Variants in AKAP6 observed in about 807,000 individuals in gnomAD.
AKAP6 encodes the protein A-kinase anchor protein 6.
In AKAP6, 58 loss-of-function variants were observed where a neutral mutation model predicts 188.5. The ratio of observed to expected loss-of-function variants is 0.31; its 90% CI spans 0.25 to 0.38. The LOEUF is 0.38. AKAP6 is among the 10% of genes least tolerant of loss of function. The probability of loss-of-function intolerance (pLI) is 1.00; values close to 1 mark genes in which losing one functional copy is unlikely to be tolerated. For missense variants in AKAP6, 2,710 were observed against 2,740.0 expected, an observed-to-expected ratio of 0.99 and a Z score of 0.24; for synonymous variants, 989 against 998.6, an observed-to-expected ratio of 0.99 and a Z score of 0.18.
At chr14:32,732,666 C>A in intron 10 of AKAP6, 66 bp downstream of exon 10, 3 of 1,547,876 alleles carry the variant, frequency 1.9e-6, no homozygotes, top group Admixed American at 3.4e-5. Context: ...AGTACTCTGT[C>A]CGATTTCTAA....
At chr14:32,575,382 T>C (rs1884669189) in intron 4 of AKAP6, among the ~76,000 whole-genome samples, 1 of 152,154 alleles carries the variant, frequency 6.6e-6, no homozygotes. Flanking sequence ...GTATGAAATT[T>C]CTGAAACCTT....
chr14:32,547,959 C>G (rs1319495756), intron 4 of AKAP6, among the ~76,000 whole-genome samples: 1 of 152,090 alleles, frequency 6.6e-6, no homozygotes, highest in East Asian at 1.9e-4. Context: ...GCCGTTTCCT[C>G]AGGAGGCCAT....
In AKAP6 at chr14:32,364,599, C is replaced by T. The variant is rs140244032; in HGVS notation, c.-35+35191C>T. Among the ~76,000 whole-genome samples the T allele has an allele frequency of 4.9e-3, 739 of 152,224 alleles. 5 individuals are homozygous for T. Among genetic ancestry groups the T allele is most frequent in the Middle Eastern group, 0.014 (4 of 294 alleles). On this transcript the variant is annotated intron_variant, in intron 1 of 13. Transcript: ENST00000280979. ...TTTTTCAACCTTTTATTTATTTAGA[C>T]CATATCCTCCCTCTCCACTCCAATA...
In AKAP6 at chr14:32,824,478, C is replaced by T; in HGVS notation, c.6665C>T (p.Ala2222Val). The T allele has an allele frequency of 6.2e-7, 1 of 1,613,954 alleles. No homozygotes were observed. ...ALSSPSSQER[A>V]EVGKEVNGLP... ...TCAAGTCCTTCCTCTCAGGAAAGAG[C>T]TGAGGTTGGAAAGGAAGTGAATGGT... is the stretch of plus-strand genomic sequence containing the variant. Residue 2222 changes from alanine (A) to valine (V), a missense_variant, in exon 13 of 14, where the codon GCT (alanine) becomes GTT (valine). Physicochemically the swap from Ala to Val is moderately conservative, Grantham distance 64. Transcript: ENST00000280979.
intron 9 of AKAP6, among the ~76,000 whole-genome samples, chr14:32,723,815 C>G (rs1053795796): frequency 6.6e-6 from 1 of 152,072 alleles, no homozygotes; most frequent in Non-Finnish European, 1.5e-5. Flanking sequence ...AAATAGTTCT[C>G]TTTTTTATGA....
chr14:32,775,783 G>A (rs1324936042), intron 12 of AKAP6, among the ~76,000 whole-genome samples: 1 of 152,094 alleles, frequency 6.6e-6, no homozygotes, highest in Non-Finnish European at 1.5e-5. Flanking sequence ...AACCCTGGCT[G>A]CTTCTTAAAG....
chr14:32,424,261 G>A (rs990209165), intron 1 of AKAP6, among the ~76,000 whole-genome samples: 8 of 151,870 alleles, frequency 5.3e-5, no homozygotes, highest in Non-Finnish European at 8.8e-5. Flanking sequence ...CCATAACATG[G>A]CATTCTCATC....
chr14:32,400,730 GT>G (rs1341582228), intron 1 of AKAP6, among the ~76,000 whole-genome samples: 1 of 152,070 alleles, frequency 6.6e-6, no homozygotes, highest in Admixed American at 6.6e-5. Flanking sequence ...CAAACCAATG[GT>G]TCACAAACTT....
Position 32,568,278 on chromosome 14 carries a change from T to C in AKAP6, c.2347-8842T>C, listed in dbSNP as rs1375331513. On this transcript the variant is annotated intron_variant, in intron 4 of 13. Transcript: ENST00000280979. This position sits in a 1 kb window ranked among gnomAD's most constrained non-coding sequence, Gnocchi z 6.2. ...GCACAGTAGTCCAGAGCTTAGACCC[T>C]GGAACAAAACTATTTAATAACCACT... Among the ~76,000 whole-genome samples, 1 of 152,148 alleles carries C rather than the reference T, an allele frequency of 6.6e-6. No homozygotes were observed. The highest frequency in any genetic ancestry group is 1.5e-5 in the Non-Finnish European group (1 of 68,030).
At chr14:32,549,894 C>T (rs1377267576) in intron 4 of AKAP6, among the ~76,000 whole-genome samples, 3 of 152,198 alleles carry the variant, frequency 2.0e-5, no homozygotes, top group East Asian at 3.8e-4. Flanking sequence ...AAAGATGGTC[C>T]TGGCAGACAT....
chr14:32,597,839 CT>C (rs1372472200), intron 5 of AKAP6, among the ~76,000 whole-genome samples: 31 of 152,154 alleles, frequency 2.0e-4, no homozygotes, highest in Admixed American at 2.0e-3. Flanking sequence ...AAGGCTTGAT[CT>C]GCATATCTCT....
chr14:32,760,720 G>T (rs931895446), intron 11 of AKAP6, among the ~76,000 whole-genome samples: 1 of 152,018 alleles, frequency 6.6e-6, no homozygotes, highest in Non-Finnish European at 1.5e-5. Context: ...TCAAGAAAAT[G>T]GTCTTGAAAA....
intron 5 of AKAP6, among the ~76,000 whole-genome samples, chr14:32,577,516 T>C (rs894183361): frequency 5.3e-5 from 8 of 152,100 alleles, no homozygotes; most frequent in Non-Finnish European, 1.2e-4. Context: ...TAGACCCTTG[T>C]TCTCTAAAGC....
intron 1 of AKAP6, among the ~76,000 whole-genome samples, chr14:32,425,904 C>A (rs1450190955): frequency 1.3e-5 from 2 of 152,122 alleles, no homozygotes; most frequent in Admixed American, 1.3e-4. Flanking sequence ...TTGGTGTCTT[C>A]ATCATGAAAT....
At chr14:32,409,683 A>G (rs1393439787) in intron 1 of AKAP6, among the ~76,000 whole-genome samples, 1 of 152,230 alleles carries the variant, frequency 6.6e-6, no homozygotes, top group Admixed American at 6.5e-5. Flanking sequence ...ATATGGCCTA[A>G]TAACAAAGAT....
chr14:32,751,498 C>CTTTTTTTTTTT (rs71432082), intron 11 of AKAP6, among the ~76,000 whole-genome samples: 1 of 122,548 alleles, frequency 8.2e-6, no homozygotes, highest in African/African-American at 3.0e-5. Flanking sequence ...TCTCTTTTCA[C>CTTTTTTTTTTT]TTTTTTTTTT....
chr14:32,474,653 T>C (rs1477915152), intron 2 of AKAP6: 1 of 152,264 alleles, frequency 6.6e-6, no homozygotes, highest in African/African-American at 2.4e-5. Context: ...GATTGAATCT[T>C]GCAGGAAACT....
At position 32,735,729 on chromosome 14, in the gene AKAP6, T is replaced by C. The variant is rs143098419; in HGVS notation, c.3219T>C (p.Ser1073=). The change falls in exon 11 of 14, where the codon TCT becomes TCC. Residue 1073 remains serine, a synonymous_variant. Transcript: ENST00000280979. ...HSGSSPRDLL[S]PESGSLVRQL... is the part of the protein sequence containing the mutation. ...GGTCGAGTCCACGTGACCTGCTCTC[T>C]CCTGAAAGTGGAAGCCTGGTAAGGC... 6.2e-7 allele frequency: 1 copy of C among 1,613,574 alleles called. No homozygotes were observed. The highest frequency in any genetic ancestry group is 1.3e-5 in the African/African-American group (1 of 74,976).
chr14:32,435,518 C>T (rs1218141384), intron 2 of AKAP6, among the ~76,000 whole-genome samples: 1 of 152,128 alleles, frequency 6.6e-6, no homozygotes, highest in Non-Finnish European at 1.5e-5. Flanking sequence ...GTATTTTTCT[C>T]ATTGGAACTG....
Sources: gnomAD v4.1 joint callset for allele counts (sites outside exome capture counted in the v4.1 genomes callset) on GRCh38, gnomAD v4.1.1 for gene constraint, Gnocchi (gnomAD v3.1) non-coding constraint, MANE v1.5 for transcripts, NCBI Gene and HGNC (gene_info 2026-07-23, HGNC 2026-07-21) for gene names.